Variants in AFG1L observed in about 807,000 individuals in gnomAD.
AFG1L encodes AFG1 like ATPase.
AFG1L carries 53 observed loss-of-function variants against 62.2 expected under a neutral mutation model. That is an observed-to-expected ratio of 0.85 (90% confidence interval 0.68 to 1.07). The LOEUF (loss-of-function observed/expected upper bound fraction) is 1.07. AFG1L is among the 50% of genes least tolerant of loss of function. The probability of loss-of-function intolerance (pLI) is 0.00; values close to 1 mark genes in which losing one functional copy is unlikely to be tolerated. For missense variants in AFG1L, 555 were observed against 590.5 expected, an observed-to-expected ratio of 0.94 and a Z score of 0.62; for synonymous variants, 228 against 210.3, an observed-to-expected ratio of 1.08 and a Z score of -0.73.
intron 12 of AFG1L, 113 bp downstream of exon 12, chr6:108,519,923 G>T: frequency 1.7e-6 from 1 of 577,404 alleles, no homozygotes; most frequent in Non-Finnish European, 3.0e-6. Flanking sequence ...CCATTGATTG[G>T]CGCTTCTTCT....
chr6:108,378,693 A>T (rs7769482), intron 6 of AFG1L, among the ~76,000 whole-genome samples: 6,821 of 152,020 alleles, frequency 0.045, 493 homozygotes, highest in African/African-American at 0.15. Flanking sequence ...ATCTAGTGAA[A>T]TTTTTTGGTG....
At chr6:108,393,802 T>C (rs750656893) in intron 6 of AFG1L, among the ~76,000 whole-genome samples, 1 of 152,188 alleles carries the variant, frequency 6.6e-6, no homozygotes, top group African/African-American at 2.4e-5. Flanking sequence ...TCACTAATTA[T>C]ATGTATGGCT....
intron 5 of AFG1L, among the ~76,000 whole-genome samples, chr6:108,364,865 C>CAAAA (rs869268005): frequency 3.2e-5 from 3 of 94,168 alleles, no homozygotes; most frequent in African/African-American, 7.8e-5. Context: ...CTGAGACAGC[C>CAAAA]AAAAAAAAAA....
intron 8 of AFG1L, among the ~76,000 whole-genome samples, chr6:108,450,675 A>G (rs1355473650): frequency 1.3e-5 from 2 of 152,156 alleles, no homozygotes; most frequent in Non-Finnish European, 2.9e-5. Context: ...GTCCTTGCCC[A>G]TGCCTATGTC....
At chr6:108,436,232 C>T (rs753458160) in intron 7 of AFG1L, among the ~76,000 whole-genome samples, 2 of 152,014 alleles carry the variant, frequency 1.3e-5, no homozygotes, top group Non-Finnish European at 2.9e-5. Context: ...GCAACATCTA[C>T]CTCCCGGGTT....
intron 11 of AFG1L, among the ~76,000 whole-genome samples, chr6:108,516,056 G>A (rs960949045): frequency 2.2e-4 from 34 of 152,194 alleles, no homozygotes; most frequent in Non-Finnish European, 4.1e-4. Context: ...ATTCACAGCC[G>A]AATTCTACCA....
At chr6:108,469,872 T>A (rs1772816920) in intron 8 of AFG1L, among the ~76,000 whole-genome samples, 1 of 152,184 alleles carries the variant, frequency 6.6e-6, no homozygotes, top group Non-Finnish European at 1.5e-5. Context: ...TTCCCTTAAT[T>A]AGAATTCCAG....
At chr6:108,308,670 T>A (rs1180542368) in intron 1 of AFG1L, among the ~76,000 whole-genome samples, 1 of 151,862 alleles carries the variant, frequency 6.6e-6, no homozygotes, top group East Asian at 1.9e-4. Context: ...TGTGCCCAGA[T>A]GAAGAAGTTC....
At chr6:108,326,507 G>A (rs993227428) in intron 2 of AFG1L, among the ~76,000 whole-genome samples, 5 of 152,076 alleles carry the variant, frequency 3.3e-5, no homozygotes, top group Non-Finnish European at 7.4e-5. Context: ...TTTAAGTTCT[G>A]GAGAAAACAT....
intron 1 of AFG1L, among the ~76,000 whole-genome samples, chr6:108,301,488 A>G (rs1336642557): frequency 6.6e-6 from 1 of 152,214 alleles, no homozygotes; most frequent in Non-Finnish European, 1.5e-5. Context: ...CTGCCTAACT[A>G]TTAGGGTCTC....
chr6:108,446,132 A>G (rs567107429), intron 7 of AFG1L, among the ~76,000 whole-genome samples: 5 of 151,800 alleles, frequency 3.3e-5, no homozygotes, highest in Admixed American at 3.3e-4. Context: ...CATTGCCCCC[A>G]AAATCCAACT....
rs1386122577 is a variant in AFG1L, at chr6:108,521,324, AAAAATAAAAAAT to A, written c.1318-961_1318-950del. On this transcript the variant is annotated intron_variant, in intron 12 of 12. Transcript: ENST00000368977. The stretch of plus-strand genomic sequence containing the variant: ...ACATGGTGAAACACCCATTTCTACA[AAAAATAAAAAAT>A]AAAATAAAAAAAATTAGCTGGGTGT... 3 of 152,292 alleles carry A rather than the reference AAAAATAAAAAAT, an allele frequency of 2.0e-5. No homozygotes were observed. In the East Asian group the frequency reaches 5.8e-4, roughly 29 times the overall value. 9.4% of individuals were successfully genotyped at this position (152,292 alleles called of 1,614,324 possible).
At chr6:108,377,518 A>C (rs1780299745) in intron 6 of AFG1L, among the ~76,000 whole-genome samples, 2 of 152,192 alleles carry the variant, frequency 1.3e-5, no homozygotes, top group African/African-American at 4.8e-5. Flanking sequence ...ATTTGGCAGA[A>C]TATGAAATTC....
At chr6:108,411,824 T>C (rs561136210) in intron 7 of AFG1L, among the ~76,000 whole-genome samples, 1 of 152,248 alleles carries the variant, frequency 6.6e-6, no homozygotes, top group South Asian at 2.1e-4. Context: ...GCAGAGAAGC[T>C]GAAAATGCTA....
At chr6:108,520,157 C>T (rs535874791) in intron 12 of AFG1L, 1 of 206,166 alleles carries the variant, frequency 4.9e-6, no homozygotes, top group African/African-American at 2.3e-5. Flanking sequence ...TGGGCTTGCT[C>T]TGCTATACCA....
chr6:108,338,450 C>T (rs1778551912), intron 2 of AFG1L, among the ~76,000 whole-genome samples: 1 of 152,154 alleles, frequency 6.6e-6, no homozygotes, highest in Admixed American at 6.5e-5. Context: ...ATTAGTATAT[C>T]AAAGACTCTG....
At chr6:108,478,869 C>T (rs896594336) in intron 10 of AFG1L, among the ~76,000 whole-genome samples, 2 of 151,956 alleles carry the variant, frequency 1.3e-5, no homozygotes, top group Non-Finnish European at 2.9e-5. Context: ...TTATCAGGAA[C>T]CAAAATCTTC....
intron 1 of AFG1L, among the ~76,000 whole-genome samples, chr6:108,305,537 C>T (rs938889300): frequency 9.2e-5 from 14 of 152,168 alleles, no homozygotes; most frequent in African/African-American, 2.9e-4. Flanking sequence ...GCACAAGCCC[C>T]ACCAGTACGC....
chr6:108,515,169 C>T lies in AFG1L; in HGVS notation c.1204-4528C>T, dbSNP rs574633858. ...GGACCTAATAGACATCTACAGAACTCTCCACCCCAGATCAACAGAATATAC... is the reference window on the plus strand; with the variant it reads ...GGACCTAATAGACATCTACAGAACTTTCCACCCCAGATCAACAGAATATAC... On this transcript the variant is annotated intron_variant, in intron 11 of 12. Transcript: ENST00000368977. Among the ~76,000 whole-genome samples, 13 of 152,332 alleles carry T rather than the reference C, an allele frequency of 8.5e-5. No individual in the cohort carries two copies. In the East Asian group the frequency reaches 1.9e-3, roughly 23 times the overall value.
Sources: allele counts gnomAD v4.1 joint callset (sites outside exome capture counted in the v4.1 genomes callset), GRCh38; gene constraint gnomAD v4.1.1; transcripts MANE v1.5; gene names NCBI Gene and HGNC (gene_info 2026-07-23, HGNC 2026-07-21).